The following CFAP92 variants were observed in gnomAD, a reference collection of about 807,000 sequenced individuals.
CFAP92 encodes the protein uncharacterized protein CFAP92.
In CFAP92, 86 loss-of-function variants were observed where a neutral mutation model predicts 106.3. That is an observed-to-expected ratio of 0.81 (90% CI 0.68 to 0.97). CFAP92 has a LOEUF of 0.97. Ranked by LOEUF, CFAP92 falls within the 50% of genes least tolerant of loss-of-function variation. CFAP92 has a pLI of 0.00. For missense variants in CFAP92, 1,204 were observed against 1,283.8 expected (o/e 0.94, Z 0.95); for synonymous variants, 477 against 506.4 (o/e 0.94, Z 0.78).
At chr3:128,999,174 C>T (rs1944590929) in intron 1 of CFAP92, among the ~76,000 whole-genome samples, 1 of 152,202 alleles carries the variant, frequency 6.6e-6, no homozygotes, top group African/African-American at 2.4e-5. Context: ...GCCCATCCCC[C>T]CAGCTCATAC....
the CFAP92 span, among the ~76,000 whole-genome samples, chr3:129,023,194 C>G: frequency 5.9e-5 from 9 of 152,146 alleles, no homozygotes; most frequent in African/African-American, 2.2e-4. Flanking sequence ...GCTCAGCCTG[C>G]TATTTGTTAC....
chr3:128,959,836 A>G (rs1191379536), intron 9 of CFAP92, among the ~76,000 whole-genome samples: 1 of 152,248 alleles, frequency 6.6e-6, no homozygotes, highest in East Asian at 1.9e-4. Flanking sequence ...CTCTGAGCCC[A>G]GGCCAGGCCA....
intron 9 of CFAP92, among the ~76,000 whole-genome samples, chr3:128,950,978 G>A (rs1247155160): frequency 1.3e-5 from 2 of 152,132 alleles, no homozygotes; most frequent in Non-Finnish European, 1.5e-5. Flanking sequence ...TCTGCAAACA[G>A]GACTTTTTAA....
upstream of CFAP92, among the ~76,000 whole-genome samples, chr3:128,999,022 G>A (rs951127504): frequency 2.7e-4 from 41 of 152,158 alleles, no homozygotes; most frequent in Non-Finnish European, 5.3e-4. Context: ...AATGGTGGAT[G>A]ATTTTTGCTT....
chr3:128,966,875 TG>T (rs1218302158), intron 8 of CFAP92: 1 of 152,182 alleles, frequency 6.6e-6, no homozygotes, highest in Non-Finnish European at 1.5e-5. Flanking sequence ...CAGCCCAGAA[TG>T]CTTTTTCTAT....
In CFAP92 at chr3:128,978,370, G is replaced by A. The variant is rs1943297912; in HGVS notation, c.668-185C>T. 1.1e-5 allele frequency: 6 copies of A among 568,320 alleles called. No individual in the cohort carries two copies. The East Asian group carries it at 1.8e-4, about 18-fold the overall frequency. 35.2% of individuals were successfully genotyped at this position (568,320 alleles called of 1,614,324 possible). A position where few individuals can be genotyped will look rare whatever the true frequency, so the allele number is the denominator to read the frequency against. On this transcript the variant is annotated intron_variant, in intron 4 of 15. Transcript: ENST00000645291. The stretch of plus-strand genomic sequence containing the variant: ...ATATAAATTATGTTTATATCATACT[G>A]TAGTCTATTAAGTGTGCAAAAGCAT...
At chr3:128,936,405 T>C (rs1012872977) in intron 10 of CFAP92, among the ~76,000 whole-genome samples, 1 of 152,200 alleles carries the variant, frequency 6.6e-6, no homozygotes, top group African/African-American at 2.4e-5. Context: ...ACACTGCAAA[T>C]AATTTTGTTT....
intron 9 of CFAP92, among the ~76,000 whole-genome samples, 170 bp from the exon 10 acceptor site, chr3:128,946,145 G>A (rs1279267787): frequency 2.0e-5 from 3 of 152,128 alleles, no homozygotes; most frequent in African/African-American, 7.2e-5. Flanking sequence ...TCATTACTAG[G>A]ACTGCAGACA....
At chr3:128,956,207 T>TAAAAAAA (rs1256391409) in intron 9 of CFAP92, among the ~76,000 whole-genome samples, 3 of 53,214 alleles carry the variant, frequency 5.6e-5, no homozygotes, top group Non-Finnish European at 6.6e-5. Context: ...AAAAAAAAAA[T>TAAAAAAA]AAAAAAATAA....
chr3:128,916,367 G>T, intron 12 of CFAP92, 96 bp from the exon 13 acceptor site: 1 of 845,826 alleles, frequency 1.2e-6, no homozygotes, highest in Non-Finnish European at 1.6e-6. Flanking sequence ...ACTTAGCTGT[G>T]GTGCAGGTAT....
At chr3:129,020,000 C>G in the CFAP92 span, among the ~76,000 whole-genome samples, 3 of 151,984 alleles carry the variant, frequency 2.0e-5, no homozygotes, top group Non-Finnish European at 2.9e-5. Flanking sequence ...AACTCCTGAC[C>G]TCAGGTGATC....
chr3:128,914,448 G>C (rs967789377), intron 15 of CFAP92, among the ~76,000 whole-genome samples: 1 of 152,204 alleles, frequency 6.6e-6, no homozygotes, highest in Non-Finnish European at 1.5e-5. Context: ...CTTAGGAGTC[G>C]AGGAGGAGAG....
chr3:128,944,654 A>C (rs1263766877), intron 10 of CFAP92, among the ~76,000 whole-genome samples: 1 of 152,208 alleles, frequency 6.6e-6, no homozygotes, highest in Non-Finnish European at 1.5e-5. Flanking sequence ...ATTCACTTCT[A>C]GTGTTCCCAC....
chr3:128,915,593 G>A, intron 13 of CFAP92, 30 bp from the exon 14 acceptor site: 1 of 1,407,022 alleles, frequency 7.1e-7, no homozygotes, highest in Non-Finnish European at 9.4e-7. Flanking sequence ...GGTTGGGGTG[G>A]AAGGGCTAAT....
upstream of CFAP92, among the ~76,000 whole-genome samples, chr3:129,007,018 A>G (rs565147196): frequency 1.3e-5 from 2 of 152,332 alleles, no homozygotes; most frequent in East Asian, 1.9e-4. Context: ...TACTGTCAGC[A>G]TTTCACAGAC....
upstream of CFAP92, among the ~76,000 whole-genome samples, chr3:129,003,134 A>G (rs896280988): frequency 6.6e-6 from 1 of 152,234 alleles, no homozygotes; most frequent in African/African-American, 2.4e-5. Context: ...AGGACACTGC[A>G]GAGTGCAGGG....
At chr3:129,003,908 G>A (rs986963883), upstream of CFAP92, 3 of 1,351,148 alleles carry the variant, frequency 2.2e-6, no homozygotes, top group Non-Finnish European at 1.9e-6. Context: ...GGAGGCCCGC[G>A]CTGGGCGGCT....
rs148691579 is a variant in CFAP92 at position 128,988,545 on chromosome 3, A to C, written c.453+183T>G. ...ACAGAGCAAGACTCTGACTCAACAA[A>C]AAAAAAAAAGTCAGTAATTGGAATG... is the stretch of plus-strand genomic sequence containing the variant. On this transcript the variant is annotated intron_variant, in intron 3 of 15. Transcript: ENST00000645291. Among the ~76,000 whole-genome samples the C allele has an allele frequency of 3.1e-3, 472 of 152,192 alleles. 3 individuals carry two copies. The highest frequency in any genetic ancestry group is 0.027 in the East Asian group (142 of 5,182).
At position 128,945,821 on chromosome 3, in the gene CFAP92, T is replaced by C. The variant is rs62265309; in HGVS notation, c.1508A>G (p.Glu503Gly). 27,004 of 1,519,380 alleles carry C rather than the reference T, an allele frequency of 0.018. 859 individuals are homozygous for C. The highest frequency in any genetic ancestry group is 0.11 in the South Asian group (8,661 of 80,814). The allele number at this position is 1,519,380 out of a possible 1,614,324, so 94.1% of individuals were successfully genotyped here. Residue 503 changes from glutamate (E) to glycine (G), a missense_variant, in exon 10 of 16, where the codon GAG (glutamate) becomes GGG (glycine). Glu to Gly is a moderately conservative substitution (Grantham distance 98, BLOSUM62 -2). Coordinates refer to ENST00000645291, the MANE Select transcript of CFAP92 (RefSeq NM_001394090.1). ...LHPSDLREYL[E>G]GPPMVVEVHD... ...AACTTCCACCACCATGGGGGGGCCC[T>C]CCAGGTATTCCCTTAGGTCACTGGG...
Sources: gnomAD v4.1 joint callset for allele counts (sites outside exome capture counted in the v4.1 genomes callset) on GRCh38, gnomAD v4.1.1 for gene constraint, MANE v1.5 for transcripts, NCBI Gene and HGNC (gene_info 2026-07-23, HGNC 2026-07-21) for gene names.